The following ZSCAN32 variants were observed in gnomAD, a reference collection of about 807,000 sequenced individuals.
ZSCAN32 encodes zinc finger and SCAN domain containing 32.
A neutral mutation model predicts 47.4 loss-of-function variants in ZSCAN32; 52 were observed. That is an observed-to-expected ratio of 1.10 (90% CI 0.88 to 1.38). ZSCAN32 has a LOEUF of 1.38. Ranked by LOEUF, ZSCAN32 falls within the 40% of genes most tolerant of loss-of-function variation. The probability of loss-of-function intolerance (pLI) is 0.00; values close to 1 mark genes in which losing one functional copy is unlikely to be tolerated. For missense variants in ZSCAN32, 959 were observed against 846.0 expected, an observed-to-expected ratio of 1.13 and a Z score of -1.66; for synonymous variants, 346 against 305.7, an observed-to-expected ratio of 1.13 and a Z score of -1.38.
At chr16:3,387,096 T>C (rs994681246) in intron 5 of ZSCAN32, among the ~76,000 whole-genome samples, 1 of 152,232 alleles carries the variant, frequency 6.6e-6, no homozygotes, top group African/African-American at 2.4e-5. Flanking sequence ...TAATGACTTA[T>C]AGGGTTATTT....
rs745517954 is a variant in ZSCAN32 at position 3,382,961 on chromosome 16, C to T, written c.1985G>A (p.Arg662Lys). The change falls in exon 7 of 7, where the codon AGG becomes AAG. Residue 662 changes from arginine (R) to lysine (K), a missense_variant. Transcript: ENST00000396852. ...GAAGCCTCTCTCACAGTGAGAACAC[C>T]TGTAAGGCTTTTCACCAGTGTGGGT... ...RKTHTGEKPY[R>K]CSHCERGFTK... The T allele has an allele frequency of 4.3e-6, 7 of 1,614,124 alleles. No homozygotes were observed. The South Asian group carries it at 7.7e-5, about 18-fold the overall frequency.
chr16:3,393,203 T>TA (rs1443032121), intron 3 of ZSCAN32, among the ~76,000 whole-genome samples: 18 of 22,282 alleles, frequency 8.1e-4, no homozygotes, highest in African/African-American at 5.6e-3. Flanking sequence ...TATATATATT[T>TA]ATATTTATAT....
At chr16:3,393,107 T>C (rs1229145485) in intron 3 of ZSCAN32, among the ~76,000 whole-genome samples, 2 of 132,352 alleles carry the variant, frequency 1.5e-5, no homozygotes, top group African/African-American at 5.9e-5. Flanking sequence ...CTTTAAGTGC[T>C]ATTACCCTCA....
chr16:3,388,059 G>C (rs969105242), intron 5 of ZSCAN32, among the ~76,000 whole-genome samples: 2 of 152,176 alleles, frequency 1.3e-5, no homozygotes, highest in African/African-American at 4.8e-5. Context: ...ATCTATGAAG[G>C]ACAGGAGTCT....
chr16:3,400,653 C>T (rs746139333), intron 1 of ZSCAN32, among the ~76,000 whole-genome samples: 1 of 152,226 alleles, frequency 6.6e-6, no homozygotes, highest in Non-Finnish European at 1.5e-5. Flanking sequence ...GGGCTAGGCA[C>T]TGTGGATGAG....
At chr16:3,394,189 C>A (rs1169396100) in intron 2 of ZSCAN32, among the ~76,000 whole-genome samples, 2 of 152,042 alleles carry the variant, frequency 1.3e-5, no homozygotes, top group Admixed American at 1.3e-4. Flanking sequence ...TCACTTGAAC[C>A]CAGGAGGCGG....
intron 2 of ZSCAN32, among the ~76,000 whole-genome samples, chr16:3,395,767 G>A (rs1846865103): frequency 6.6e-6 from 1 of 152,188 alleles, no homozygotes; most frequent in Non-Finnish European, 1.5e-5. Context: ...GGGAGGCTGA[G>A]GTGGGTGGAC....
At chr16:3,385,043 G>T in intron 5 of ZSCAN32, 102 bp from the exon 6 acceptor site, 1 of 1,375,880 alleles carries the variant, frequency 7.3e-7, no homozygotes, top group South Asian at 1.4e-5. Context: ...TTACATCCTA[G>T]GCTGGATGCG....
chr16:3,392,779 T>C (rs903308248), intron 3 of ZSCAN32, among the ~76,000 whole-genome samples: 3 of 151,930 alleles, frequency 2.0e-5, no homozygotes, highest in Admixed American at 2.0e-4. Flanking sequence ...TAAGCCAAGA[T>C]CGCATTACTG....
At chr16:3,396,054 G>C (rs764214933) in intron 2 of ZSCAN32, among the ~76,000 whole-genome samples, 31 of 152,156 alleles carry the variant, frequency 2.0e-4, no homozygotes, top group Admixed American at 1.0e-3. Flanking sequence ...AGGATAAGAA[G>C]AGGAGAGACC....
chr16:3,397,561 C>T lies in ZSCAN32; in HGVS notation c.-4G>A, dbSNP rs1486544453. On this transcript the variant is annotated 5_prime_UTR_variant, in exon 2 of 7. Transcript: ENST00000396852. ...TACTCTTCACTGCAGCCATCATTTG[C>T]TTCAACGAACTGGCTTACTCTGGTT... 16 of 1,525,110 alleles carry T rather than the reference C, an allele frequency of 1.0e-5. No individual in the cohort carries two copies. Among genetic ancestry groups the T allele is most frequent in the African/African-American group, 1.4e-5 (1 of 72,264 alleles). 94.5% of individuals were successfully genotyped at this position (1,525,110 alleles called of 1,614,324 possible).
chr16:3,382,844 C>A lies in ZSCAN32; in HGVS notation c.*8G>T. The A allele has an allele frequency of 1.3e-6, 2 of 1,542,918 alleles. No individual in the cohort carries two copies. The highest frequency in any genetic ancestry group is 8.7e-7 in the Non-Finnish European group (1 of 1,143,108). On this transcript the variant is annotated 3_prime_UTR_variant, in exon 7 of 7. Transcript: ENST00000396852. The stretch of plus-strand genomic sequence containing the variant: ...TGAGGAACTTAATCTGACAGTTTAC[C>A]GACACACTCATAACGCATCTCTTCC...
chr16:3,390,551 C>T lies in ZSCAN32; in HGVS notation c.533-34G>A, dbSNP rs368017990. ...AAAAACAGCCGCTATTAGAGGGCGG[C>T]TTCCACACAACAGCACAGAGCAGAA... On this transcript the variant is annotated intron_variant, in intron 3 of 6. Transcript: ENST00000396852. 53 of 1,515,950 alleles carry T rather than the reference C, an allele frequency of 3.5e-5. No homozygotes were observed. In the African/African-American group the frequency reaches 6.4e-4, roughly 18 times the overall value. 93.9% of individuals were successfully genotyped at this position (1,515,950 alleles called of 1,614,324 possible).
Position 3,397,481 on chromosome 16 carries a change from A to G in ZSCAN32, c.77T>C (p.Leu26Pro). Reference protein sequence around the residue: ...KDPTQGQKSALQGNSPDSEAS... With the variant: ...KDPTQGQKSAPQGNSPDSEAS... Reference sequence around the variant, plus strand: ...CTCGGAGTCAGGGCTGTTACCCTGGAGGGCTGATTTCTGGCCCTGTGTGGG... The same window carrying G: ...CTCGGAGTCAGGGCTGTTACCCTGGGGGGCTGATTTCTGGCCCTGTGTGGG... The change falls in exon 2 of 7, where the codon CTC becomes CCC. Residue 26 changes from leucine to proline, a missense_variant. By Grantham distance (98) the Leu-to-Pro change is moderately conservative. Transcript: ENST00000396852. The G allele has an allele frequency of 6.4e-7, 1 of 1,550,588 alleles. No homozygotes were observed. Among genetic ancestry groups the G allele is most frequent in the South Asian group, 1.2e-5 (1 of 84,064 alleles).
At chr16:3,387,390 T>A (rs1018190320) in intron 5 of ZSCAN32, among the ~76,000 whole-genome samples, 1 of 152,236 alleles carries the variant, frequency 6.6e-6, no homozygotes, top group Non-Finnish European at 1.5e-5. Context: ...CCTGTCATCC[T>A]TGTAGATACA....
chr16:3,400,753 G>A (rs1275248647), intron 1 of ZSCAN32, among the ~76,000 whole-genome samples, 192 bp downstream of exon 1: 3 of 152,110 alleles, frequency 2.0e-5, no homozygotes, highest in South Asian at 4.1e-4. Flanking sequence ...TGATCCGCAC[G>A]GTGGGAGCGG....
Position 3,382,715 on chromosome 16 carries a change from G to T in ZSCAN32, c.*137C>A. 1.4e-6 allele frequency: 2 copies of T among 1,392,882 alleles called. No individual in the cohort carries two copies. Among genetic ancestry groups the T allele is most frequent in the Non-Finnish European group, 1.9e-6 (2 of 1,049,304 alleles). The allele number at this position is 1,392,882 out of a possible 1,614,324, so 86.3% of individuals were successfully genotyped here. On this transcript the variant is annotated 3_prime_UTR_variant, in exon 7 of 7. Coordinates refer to ENST00000396852, the MANE Select transcript of ZSCAN32 (RefSeq NM_001284527.2). ...GGTCAGCGTCCTTATGCTGACTCCT[G>T]GTCCTAGACATGGGTCTTAAGATCC... is the stretch of plus-strand genomic sequence containing the variant.
Position 3,384,466 on chromosome 16 carries a change from G to C in ZSCAN32, c.1227C>G (p.Asn409Lys). The change falls in exon 6 of 7, where the codon AAC (asparagine) becomes AAG (lysine). Residue 409 changes from asparagine (N) to lysine (K), a missense_variant. Physicochemically the swap from Asn to Lys is moderately conservative, Grantham distance 94. Transcript: ENST00000396852. ...RKLDLPVLFP[N>K]RLGFEFKNEI... ...GAGCCAAGGGAGTCTTACCAAGTCT[G>C]TTTGGGAACAGCACTGGCAGGTCTA... The C allele has an allele frequency of 6.2e-7, 1 of 1,614,160 alleles. No individual in the cohort carries two copies. Among genetic ancestry groups the C allele is most frequent in the Non-Finnish European group, 8.5e-7 (1 of 1,180,014 alleles).
rs369512600 is a variant in ZSCAN32 at position 3,393,791 on chromosome 16, C to A, written c.390G>T (p.Leu130Phe). The change falls in exon 3 of 7, where the codon TTG becomes TTT. Residue 130 changes from leucine (L) to phenylalanine (F), a missense_variant. Leu to Phe is a conservative substitution (Grantham distance 22). Transcript: ENST00000396852. ...GGGCCATCTCCTTCATGAGTACTTT[C>A]AAGTCCTTCTCAGAATCTAGAACCT... ...GQQVLDSEKD[L>F]KVLMKEMAPL... 6.5e-7 allele frequency: 1 copy of A among 1,549,566 alleles called. No individual in the cohort carries two copies.
Sources: gnomAD v4.1 joint callset for allele counts (sites outside exome capture counted in the v4.1 genomes callset) on GRCh38, gnomAD v4.1.1 for gene constraint, MANE v1.5 for transcripts, NCBI Gene and HGNC (gene_info 2026-07-23, HGNC 2026-07-21) for gene names.